The following MYO5B variants were observed in gnomAD, a reference collection of about 807,000 sequenced individuals.
MYO5B encodes unconventional myosin-Vb.
MYO5B carries 143 observed loss-of-function variants against 229.3 expected under a neutral mutation model. The ratio of observed to expected loss-of-function variants is 0.62; its 90% CI spans 0.54 to 0.72. The LOEUF (loss-of-function observed/expected upper bound fraction) is 0.72. Among genes scored for constraint, MYO5B ranks in the 30% least tolerant of loss-of-function variants. The probability of loss-of-function intolerance (pLI) is 0.00; values close to 1 mark genes in which losing one functional copy is unlikely to be tolerated. For missense variants in MYO5B, 2,321 were observed against 2,331.0 expected (o/e 1.00, Z 0.09); for synonymous variants, 918 against 885.2 (o/e 1.04, Z -0.66).
At chr18:50,173,313 T>C (rs1162201916) in intron 1 of MYO5B, among the ~76,000 whole-genome samples, 1 of 148,494 alleles carries the variant, frequency 6.7e-6, no homozygotes, top group Non-Finnish European at 1.5e-5. Flanking sequence ...TGCGGATGGA[T>C]GCAGCAGGTA....
intron 22 of MYO5B, among the ~76,000 whole-genome samples, chr18:49,892,039 C>T (rs780913170): frequency 6.6e-6 from 1 of 152,122 alleles, no homozygotes; most frequent in Non-Finnish European, 1.5e-5. Flanking sequence ...GCCTTCAGAG[C>T]AGATTCTGAA....
chr18:50,173,948 T>C (rs1054258205), intron 1 of MYO5B, among the ~76,000 whole-genome samples: 1 of 152,176 alleles, frequency 6.6e-6, no homozygotes, highest in African/African-American at 2.4e-5. Flanking sequence ...TGGGTGTGTC[T>C]GCGAGGGCGT....
chr18:49,984,239 G>A (rs552939448), intron 8 of MYO5B, among the ~76,000 whole-genome samples: 1 of 152,316 alleles, frequency 6.6e-6, no homozygotes, highest in African/African-American at 2.4e-5. Context: ...GCTCTATATG[G>A]AAACAGAGCT....
At chr18:50,060,817 C>T (rs571993635) in intron 1 of MYO5B, among the ~76,000 whole-genome samples, 2 of 152,320 alleles carry the variant, frequency 1.3e-5, no homozygotes, top group Admixed American at 6.5e-5. Context: ...TTCACAAATT[C>T]CCATTGCCAG....
At chr18:50,183,266 T>C (rs1224854534) in intron 1 of MYO5B, among the ~76,000 whole-genome samples, 1 of 148,790 alleles carries the variant, frequency 6.7e-6, no homozygotes, top group South Asian at 2.2e-4. Context: ...TTCTAGACTG[T>C]TTTCTTTTCC....
At chr18:49,903,597 G>T (rs868409119) in intron 20 of MYO5B, among the ~76,000 whole-genome samples, 1 of 152,156 alleles carries the variant, frequency 6.6e-6, no homozygotes, top group South Asian at 2.1e-4. Flanking sequence ...CTACACCAGG[G>T]TGTGCTCCAC....
rs1193066860 is a variant in MYO5B, at chr18:49,823,832, C to T, written c.*2639G>A. 2.0e-5 allele frequency: 3 copies of T among 152,414 alleles called. No individual in the cohort carries two copies. Among genetic ancestry groups the T allele is most frequent in the Admixed American group, 2.0e-4 (3 of 15,264 alleles). 9.4% of individuals were successfully genotyped at this position (152,414 alleles called of 1,614,324 possible). A position where few individuals can be genotyped will look rare whatever the true frequency, so the allele number is the denominator to read the frequency against. ...ACATTTACTATAAGTAAACAGGTCC[C>T]GTATAATACTTAAAACACAAGTTTT... On this transcript the variant is annotated 3_prime_UTR_variant, in exon 40 of 40. Coordinates refer to ENST00000285039, the MANE Select transcript of MYO5B (RefSeq NM_001080467.3).
intron 7 of MYO5B, among the ~76,000 whole-genome samples, chr18:49,987,826 G>A (rs2025886973): frequency 6.6e-6 from 1 of 152,226 alleles, no homozygotes; most frequent in Non-Finnish European, 1.5e-5. Flanking sequence ...AGAGATTGGT[G>A]TATCTGGAAG....
At chr18:50,032,740 C>T (rs969858989) in intron 4 of MYO5B, among the ~76,000 whole-genome samples, 10 of 152,204 alleles carry the variant, frequency 6.6e-5, no homozygotes, top group Admixed American at 6.5e-4. Flanking sequence ...AACCCCAGCA[C>T]TTTGGGAGGC....
intron 17 of MYO5B, among the ~76,000 whole-genome samples, chr18:49,924,564 G>C (rs2025109160): frequency 6.6e-6 from 1 of 152,210 alleles, no homozygotes; most frequent in South Asian, 2.1e-4. Context: ...AAAGAGGAGG[G>C]AGTTTTGCAC....
At chr18:49,931,897 A>G (rs1450690455) in intron 16 of MYO5B, among the ~76,000 whole-genome samples, 6 of 152,294 alleles carry the variant, frequency 3.9e-5, no homozygotes, top group Non-Finnish European at 8.8e-5. Context: ...CCCTGCCCAC[A>G]GCAGCTGTGT....
At chr18:50,122,042 G>A (rs2032066441) in intron 1 of MYO5B, among the ~76,000 whole-genome samples, 1 of 152,192 alleles carries the variant, frequency 6.6e-6, no homozygotes, top group Non-Finnish European at 1.5e-5. Flanking sequence ...GACCCCCAAA[G>A]CTGCTGCTTT....
chr18:50,122,297 G>A (rs556883133), intron 1 of MYO5B, among the ~76,000 whole-genome samples: 3 of 151,824 alleles, frequency 2.0e-5, no homozygotes, highest in Middle Eastern at 6.8e-3. Flanking sequence ...CTTTGGTGGC[G>A]CTTAATTTAA....
chr18:49,832,877 C>G (rs1248433642), intron 39 of MYO5B, among the ~76,000 whole-genome samples: 1 of 152,096 alleles, frequency 6.6e-6, no homozygotes, highest in Admixed American at 6.5e-5. Context: ...CTGGTGTGGC[C>G]TGGCAGAATG....
chr18:49,981,706 G>T (rs1222922908), intron 8 of MYO5B, among the ~76,000 whole-genome samples: 1 of 152,186 alleles, frequency 6.6e-6, no homozygotes, highest in Non-Finnish European at 1.5e-5. Flanking sequence ...TAGAATGACC[G>T]GATCGCTGGC....
At chr18:50,065,071 G>C (rs555912788) in intron 1 of MYO5B, among the ~76,000 whole-genome samples, 1 of 152,260 alleles carries the variant, frequency 6.6e-6, no homozygotes, top group African/African-American at 2.4e-5. Context: ...GGACTCAAGC[G>C]AGCTCTCAAT....
At chr18:49,998,248 G>A (rs1828362588) in intron 5 of MYO5B, among the ~76,000 whole-genome samples, 1 of 152,166 alleles carries the variant, frequency 6.6e-6, no homozygotes, top group Non-Finnish European at 1.5e-5. Context: ...CCATTTGACA[G>A]AAGAAACCCT....
At chr18:50,035,137 T>C (rs112184210) in intron 4 of MYO5B, among the ~76,000 whole-genome samples, 6 of 152,270 alleles carry the variant, frequency 3.9e-5, no homozygotes, top group African/African-American at 1.4e-4. Flanking sequence ...CAGAGGAATC[T>C]TGTCAAGAGG....
At chr18:50,180,069 G>T (rs2033051089) in intron 1 of MYO5B, among the ~76,000 whole-genome samples, 1 of 152,108 alleles carries the variant, frequency 6.6e-6, no homozygotes, top group Admixed American at 6.5e-5. Flanking sequence ...ATTCCTAAGG[G>T]CCTTCTCCAC....
Sources: allele counts gnomAD v4.1 joint callset (sites outside exome capture counted in the v4.1 genomes callset), GRCh38; gene constraint gnomAD v4.1.1; transcripts MANE v1.5; gene names NCBI Gene and HGNC (gene_info 2026-07-23, HGNC 2026-07-21).